Variants in FTO observed in about 807,000 individuals in gnomAD.
FTO encodes the protein alpha-ketoglutarate-dependent dioxygenase FTO.
A neutral mutation model predicts 63.9 loss-of-function variants in FTO; 47 were observed. That is an observed-to-expected ratio of 0.74 (90% CI 0.58 to 0.94). The LOEUF (loss-of-function observed/expected upper bound fraction) is 0.94, where lower values mean the gene tolerates loss of function less well. Ranked by LOEUF, FTO falls within the 40% of genes least tolerant of loss-of-function variation. The pLI is 0.00. For missense variants in FTO, 562 were observed against 618.1 expected (o/e 0.91, Z 0.96); for synonymous variants, 207 against 224.4 (o/e 0.92, Z 0.69).
intron 8 of FTO, among the ~76,000 whole-genome samples, chr16:53,975,208 T>G (rs2143767532): frequency 7.8e-6 from 1 of 127,500 alleles, no homozygotes; most frequent in South Asian, 2.9e-4. Flanking sequence ...ATATTGTAAG[T>G]TTTTTTTTTT....
intron 8 of FTO, among the ~76,000 whole-genome samples, chr16:53,940,976 G>A (rs1412785700): frequency 6.6e-6 from 1 of 152,192 alleles, no homozygotes; most frequent in East Asian, 1.9e-4. Flanking sequence ...AACCTAGAAT[G>A]TGTAATGAAT....
intron 8 of FTO, among the ~76,000 whole-genome samples, chr16:53,972,002 G>A (rs778665921): frequency 6.6e-6 from 1 of 152,034 alleles, no homozygotes; most frequent in Non-Finnish European, 1.5e-5. Flanking sequence ...CTTGGTGCAT[G>A]TTTTAACGAC....
At chr16:53,965,176 C>A (rs908395144) in intron 8 of FTO, among the ~76,000 whole-genome samples, 11 of 151,988 alleles carry the variant, frequency 7.2e-5, no homozygotes, top group Non-Finnish European at 1.2e-4. Flanking sequence ...TGGGTTCAAG[C>A]GATTCTCCTG....
intron 4 of FTO, among the ~76,000 whole-genome samples, chr16:53,859,096 A>C (rs2080095714): frequency 6.6e-6 from 1 of 152,208 alleles, no homozygotes; most frequent in Non-Finnish European, 1.5e-5. Flanking sequence ...AAAGATGAGA[A>C]GGGAGAGAGG....
At chr16:54,036,944 A>G (rs1369230218) in intron 8 of FTO, among the ~76,000 whole-genome samples, 1 of 152,198 alleles carries the variant, frequency 6.6e-6, no homozygotes, top group Non-Finnish European at 1.5e-5. Context: ...GGAATTATAG[A>G]TTAGAAAGTT....
chr16:53,858,149 C>T (rs557629146), intron 4 of FTO, among the ~76,000 whole-genome samples: 6 of 152,122 alleles, frequency 3.9e-5, no homozygotes, highest in African/African-American at 1.4e-4. Flanking sequence ...CTATAGTTTG[C>T]AAATTCTCTA....
At chr16:54,092,632 C>G (rs1214849021) in intron 8 of FTO, among the ~76,000 whole-genome samples, 1 of 152,170 alleles carries the variant, frequency 6.6e-6, no homozygotes, top group Admixed American at 6.5e-5. Context: ...TTCACAGACC[C>G]ACTCGCTGCC....
chr16:54,066,204 T>C (rs142281746), intron 8 of FTO, among the ~76,000 whole-genome samples: 350 of 152,166 alleles, frequency 2.3e-3, no homozygotes, highest in African/African-American at 8.2e-3. Flanking sequence ...ATATGCATTG[T>C]TTTCCTGGGT....
chr16:53,753,977 T>C (rs938302380), intron 1 of FTO, among the ~76,000 whole-genome samples: 3 of 152,230 alleles, frequency 2.0e-5, no homozygotes, highest in African/African-American at 7.2e-5. Context: ...CTTTATACAA[T>C]TGACGTCTCC....
rs553736628 is a variant in FTO, at chr16:53,813,271, G to C, written c.123+3054G>C. Among the ~76,000 whole-genome samples, 3 of 151,768 alleles carry C rather than the reference G, an allele frequency of 2.0e-5. No individual in the cohort carries two copies. The East Asian group carries it at 5.8e-4, about 29-fold the overall frequency. On this transcript the variant is annotated intron_variant, in intron 2 of 8. Transcript: ENST00000471389. The stretch of plus-strand genomic sequence containing the variant: ...CTGTTGCCCAGGCTGGAGTGCAGTG[G>C]TGCAATATCAGCTCACTGCAACCTC...
At chr16:53,798,323 G>T (rs1216951298) in intron 1 of FTO, among the ~76,000 whole-genome samples, 1 of 152,030 alleles carries the variant, frequency 6.6e-6, no homozygotes, top group East Asian at 1.9e-4. Flanking sequence ...GAAATAGAAT[G>T]TCAATTTTTA....
rs34270264 is a variant in FTO at position 53,857,468 on chromosome 16, T to TATA, written c.895+13170_895+13171insATA. Reference sequence around the variant, plus strand: ...TCTCTCTCTCTCTCTCTCTCTCTCTTTCTATATATATATAGGAAGTCCTGG... The same window carrying TATA: ...TCTCTCTCTCTCTCTCTCTCTCTCTTATATCTATATATATATAGGAAGTCCTGG... On this transcript the variant is annotated intron_variant, in intron 4 of 8. Transcript: ENST00000471389. Among the ~76,000 whole-genome samples, 66 of 124,870 alleles carry TATA rather than the reference T, an allele frequency of 5.3e-4. 1 individual carries two copies. The highest frequency in any genetic ancestry group is 4.4e-3 in the South Asian group (19 of 4,318). The allele number at this position is 124,870 out of a possible 152,430, so 81.9% of individuals were successfully genotyped here.
In FTO at chr16:53,826,018, C is replaced by G. The variant is rs151263395; in HGVS notation, c.278C>G (p.Pro93Arg). The G allele has an allele frequency of 2.3e-4, 368 of 1,614,040 alleles. No individual in the cohort carries two copies. The highest frequency in any genetic ancestry group is 3.0e-4 in the Non-Finnish European group (350 of 1,180,056). Residue 93 changes from proline (P) to arginine (R), a missense_variant, in exon 3 of 9, where the codon CCG becomes CGG. Coordinates refer to ENST00000471389, the MANE Select transcript of FTO (RefSeq NM_001080432.3). The stretch of plus-strand genomic sequence containing the variant: ...ATCCAAGGCAAAGATCTGCTCACTC[C>G]GGTATCTCGCATCCTCATTGGTAAT... ...VRIQGKDLLT[P>R]VSRILIGNPG... is the part of the protein sequence containing the mutation.
intron 8 of FTO, among the ~76,000 whole-genome samples, chr16:54,096,720 A>G (rs2086523683): frequency 6.6e-6 from 1 of 152,182 alleles, no homozygotes. Flanking sequence ...TTTCAGCCCC[A>G]ATTAATATGA....
chr16:53,798,562 A>C (rs2078139826), intron 1 of FTO, among the ~76,000 whole-genome samples: 1 of 152,062 alleles, frequency 6.6e-6, no homozygotes, highest in South Asian at 2.1e-4. Context: ...TCAATTTCAG[A>C]TTGTTGGTTG....
intron 7 of FTO, among the ~76,000 whole-genome samples, chr16:53,928,457 C>T (rs891636248): frequency 3.3e-5 from 5 of 152,176 alleles, no homozygotes; most frequent in South Asian, 2.1e-4. Context: ...CTTGAAAAGC[C>T]GACACTATTA....
intron 8 of FTO, among the ~76,000 whole-genome samples, chr16:53,961,260 T>A (rs1190303558): frequency 1.3e-5 from 2 of 152,096 alleles, no homozygotes; most frequent in Non-Finnish European, 2.9e-5. Flanking sequence ...AGCAGACCAA[T>A]TAAACTGTCG....
chr16:53,838,878 G>A (rs1312348917), intron 3 of FTO, among the ~76,000 whole-genome samples: 1 of 152,024 alleles, frequency 6.6e-6, no homozygotes, highest in African/African-American at 2.4e-5. Flanking sequence ...GTATGGTGAT[G>A]ATGAATATGT....
intron 8 of FTO, among the ~76,000 whole-genome samples, chr16:54,036,823 T>C (rs1030621982): frequency 6.6e-6 from 1 of 152,220 alleles, no homozygotes; most frequent in Non-Finnish European, 1.5e-5. Flanking sequence ...TTATGAAGAC[T>C]GTTAACTGTG....
Sources: allele counts gnomAD v4.1 joint callset (sites outside exome capture counted in the v4.1 genomes callset), GRCh38; gene constraint gnomAD v4.1.1; transcripts MANE v1.5; gene names NCBI Gene and HGNC (gene_info 2026-07-23, HGNC 2026-07-21).